DNAJC1: variants seen among roughly 807,000 people sequenced by gnomAD.
DNAJC1 encodes DnaJ heat shock protein family (Hsp40) member C1, also known as dnaJ homolog subfamily C member 1.
Under a neutral mutation model 76.6 loss-of-function variants are expected in DNAJC1, and 58 were observed. The observed-to-expected ratio is 0.76, with a 90% CI of 0.61 to 0.94. DNAJC1 has a LOEUF of 0.94. Ranked by LOEUF, DNAJC1 falls within the 40% of genes least tolerant of loss-of-function variation. The pLI is 0.00. For missense variants in DNAJC1, 689 were observed against 677.3 expected (o/e 1.02, Z -0.19); for synonymous variants, 258 against 267.9 (o/e 0.96, Z 0.36).
At position 21,891,609 on chromosome 10, in the gene DNAJC1, A is replaced by G. The variant is rs1398440914; in HGVS notation, c.821-9170T>C. On this transcript the variant is annotated intron_variant, in intron 7 of 11. Transcript: ENST00000376980. Reference sequence around the variant, plus strand: ...CTGTAGTAGAAGTACAATTCAAATGACAGTGTATTTCTCACCCCAAACCAT... The same window carrying G: ...CTGTAGTAGAAGTACAATTCAAATGGCAGTGTATTTCTCACCCCAAACCAT... Among the ~76,000 whole-genome samples the G allele has an allele frequency of 2.6e-5, 4 of 152,140 alleles. No individual in the cohort carries two copies. The South Asian group carries it at 8.3e-4, about 31-fold the overall frequency.
At chr10:21,835,071 A>AC (rs1484212205) in intron 8 of DNAJC1, among the ~76,000 whole-genome samples, 1 of 151,802 alleles carries the variant, frequency 6.6e-6, no homozygotes. Context: ...TCTGGGAGGC[A>AC]CCCCCCAGTA....
intron 8 of DNAJC1, among the ~76,000 whole-genome samples, chr10:21,858,731 G>C (rs1418435174): frequency 6.6e-6 from 1 of 152,138 alleles, no homozygotes; most frequent in Non-Finnish European, 1.5e-5. Flanking sequence ...TGAAATCCAG[G>C]TCTCCTACAT....
chr10:21,907,646 A>G (rs1023025171), intron 6 of DNAJC1, among the ~76,000 whole-genome samples: 6 of 152,066 alleles, frequency 3.9e-5, no homozygotes, highest in African/African-American at 1.5e-4. Flanking sequence ...AAACTACTGC[A>G]TATGATTCCA....
intron 8 of DNAJC1, chr10:21,865,771 T>C (rs1317145393): frequency 2.6e-5 from 4 of 151,974 alleles, no homozygotes; most frequent in Admixed American, 2.6e-4. Context: ...TGGAGTACAG[T>C]AAATTAATCA....
chr10:21,983,631 G>A (rs1457725909), intron 1 of DNAJC1, among the ~76,000 whole-genome samples: 2 of 150,284 alleles, frequency 1.3e-5, no homozygotes, highest in African/African-American at 4.9e-5. Flanking sequence ...TGAGGCACAA[G>A]AATGACTTGA....
chr10:21,809,004 A>T (rs192356436), intron 8 of DNAJC1, among the ~76,000 whole-genome samples: 1 of 152,342 alleles, frequency 6.6e-6, no homozygotes. Flanking sequence ...AAAATATAGC[A>T]ACCAAAGTAA....
intron 1 of DNAJC1, among the ~76,000 whole-genome samples, chr10:21,952,388 T>C (rs551946236): frequency 1.3e-5 from 2 of 152,304 alleles, no homozygotes; most frequent in Non-Finnish European, 2.9e-5. Context: ...GAATGCTTTA[T>C]GAGACATCAA....
At position 21,948,150 on chromosome 10, in the gene DNAJC1, G is replaced by A. The variant is rs368974005; in HGVS notation, c.223-19009C>T. Among the ~76,000 whole-genome samples, 4 of 150,506 alleles carry A rather than the reference G, an allele frequency of 2.7e-5. No homozygotes were observed. The East Asian group carries it at 7.8e-4, about 29-fold the overall frequency. Reference sequence around the variant, plus strand: ...CTGTCACCCAGGCTGGAGTACAGTGGCACAATCTTGGCTCACTGCAATATC... The same window carrying A: ...CTGTCACCCAGGCTGGAGTACAGTGACACAATCTTGGCTCACTGCAATATC... On this transcript the variant is annotated intron_variant, in intron 1 of 11. Coordinates refer to ENST00000376980, the MANE Select transcript of DNAJC1 (RefSeq NM_022365.4).
chr10:21,988,669 C>G (rs1049051800), intron 1 of DNAJC1, among the ~76,000 whole-genome samples: 1 of 152,128 alleles, frequency 6.6e-6, no homozygotes, highest in African/African-American at 2.4e-5. Context: ...GGGTTAGCCT[C>G]ATTGTCCTAT....
intron 8 of DNAJC1, among the ~76,000 whole-genome samples, chr10:21,830,609 T>C (rs1835340856): frequency 6.6e-6 from 1 of 152,218 alleles, no homozygotes; most frequent in South Asian, 2.1e-4. Flanking sequence ...ACTACTCAAA[T>C]ACAAAGATTT....
intron 9 of DNAJC1, among the ~76,000 whole-genome samples, chr10:21,770,378 A>G (rs1834358162): frequency 6.6e-6 from 1 of 150,588 alleles, no homozygotes; most frequent in African/African-American, 2.4e-5. Flanking sequence ...ATTGAGTTGT[A>G]AGATTATTTT....
rs188020605 is a variant in DNAJC1 at position 21,783,992 on chromosome 10, G to A, written c.1099-17683C>T. Among the ~76,000 whole-genome samples, 176 of 152,284 alleles carry A rather than the reference G, an allele frequency of 1.2e-3. 2 individuals are homozygous for A. Among genetic ancestry groups the A allele is most frequent in the African/African-American group, 4.1e-3 (171 of 41,568 alleles). Reference sequence around the variant, plus strand: ...AATACCATTCAGGACACAGGCATGGGCAAGGACTTTATATCTAAAACACCA... The same window carrying A: ...AATACCATTCAGGACACAGGCATGGACAAGGACTTTATATCTAAAACACCA... On this transcript the variant is annotated intron_variant, in intron 9 of 11. Transcript: ENST00000376980.
intron 8 of DNAJC1, among the ~76,000 whole-genome samples, chr10:21,825,108 C>T (rs1037999509): frequency 2.0e-5 from 3 of 152,130 alleles, no homozygotes; most frequent in Admixed American, 2.0e-4. Flanking sequence ...TTTAAGTGCA[C>T]CATTCAGTGG....
At chr10:21,923,994 T>G (rs1406055058) in intron 3 of DNAJC1, among the ~76,000 whole-genome samples, 1 of 152,060 alleles carries the variant, frequency 6.6e-6, no homozygotes, top group Non-Finnish European at 1.5e-5. Flanking sequence ...TTATGAATCT[T>G]CTGTATTACA....
intron 8 of DNAJC1, among the ~76,000 whole-genome samples, chr10:21,838,596 G>A (rs1280543166): frequency 6.6e-6 from 1 of 151,582 alleles, no homozygotes; most frequent in Non-Finnish European, 1.5e-5. Context: ...CCCCCTCCAT[G>A]AGAAACACCC....
At chr10:21,825,337 T>C (rs1835230256) in intron 8 of DNAJC1, among the ~76,000 whole-genome samples, 1 of 152,246 alleles carries the variant, frequency 6.6e-6, no homozygotes, top group Non-Finnish European at 1.5e-5. Context: ...CTGACTTCTT[T>C]CAGTGTTCAT....
At chr10:21,928,855 T>C (rs776826084) in intron 2 of DNAJC1, among the ~76,000 whole-genome samples, 185 bp downstream of exon 2, 19 of 152,092 alleles carry the variant, frequency 1.2e-4, no homozygotes, top group Non-Finnish European at 1.5e-5. Context: ...CTCCAAGAAT[T>C]TAGAGATGCT....
chr10:21,901,436 C>A (rs1391122395), intron 7 of DNAJC1, among the ~76,000 whole-genome samples: 1 of 152,056 alleles, frequency 6.6e-6, no homozygotes, highest in Non-Finnish European at 1.5e-5. Context: ...TGTAAAAAAT[C>A]ATTAACCCTC....
At chr10:21,886,497 G>A (rs993876953) in intron 7 of DNAJC1, among the ~76,000 whole-genome samples, 5 of 152,106 alleles carry the variant, frequency 3.3e-5, no homozygotes, top group South Asian at 2.1e-4. Flanking sequence ...GCATCATCCT[G>A]ATACTAAAAC....
Sources: allele counts gnomAD v4.1 joint callset (sites outside exome capture counted in the v4.1 genomes callset), GRCh38; gene constraint gnomAD v4.1.1; transcripts MANE v1.5; gene names NCBI Gene and HGNC (gene_info 2026-07-23, HGNC 2026-07-21).